The following PCCB variants were observed in gnomAD, a reference collection of about 807,000 sequenced individuals.
PCCB encodes the protein propionyl-CoA carboxylase beta chain, mitochondrial.
A neutral mutation model predicts 60.7 loss-of-function variants in PCCB; 43 were observed. That is an observed-to-expected ratio of 0.71 (90% CI 0.55 to 0.91). The LOEUF (loss-of-function observed/expected upper bound fraction) is 0.91. PCCB is among the 40% of genes least tolerant of loss of function. PCCB has a pLI of 0.00. For missense variants in PCCB, 766 were observed against 702.8 expected, an observed-to-expected ratio of 1.09 and a Z score of -1.02; for synonymous variants, 276 against 255.9, an observed-to-expected ratio of 1.08 and a Z score of -0.75.
At chr3:136,323,463 T>G (rs1388066854) in intron 10 of PCCB, among the ~76,000 whole-genome samples, 1 of 152,128 alleles carries the variant, frequency 6.6e-6, no homozygotes, top group Non-Finnish European at 1.5e-5. Context: ...TTTGTCCATG[T>G]TTTCCTTTAC....
chr3:136,318,553 C>G (rs1934997003), intron 10 of PCCB, among the ~76,000 whole-genome samples: 1 of 152,230 alleles, frequency 6.6e-6, no homozygotes, highest in Non-Finnish European at 1.5e-5. Context: ...CAATAACTCA[C>G]TATTTATCTC....
chr3:136,326,858 T>C lies in PCCB; in HGVS notation c.1146T>C (p.Asp382=), dbSNP rs2108237867. 1 of 1,613,708 alleles carries C rather than the reference T, an allele frequency of 6.2e-7. No individual in the cohort carries two copies. Among genetic ancestry groups the C allele is most frequent in the East Asian group, 2.2e-5 (1 of 44,880 alleles). The change falls in exon 11 of 15, where the codon GAT becomes GAC. Residue 382 remains aspartate, a synonymous_variant. Coordinates refer to ENST00000251654, the MANE Select transcript of PCCB (RefSeq NM_000532.5). ...GGGCTCGTTTTGTCAGATTCTGTGATGCATTCAATATTCCACTCATCACTT... is the reference window on the plus strand; with the variant it reads ...GGGCTCGTTTTGTCAGATTCTGTGACGCATTCAATATTCCACTCATCACTT... ...VKGARFVRFC[D]AFNIPLITFV...
Position 136,255,948 on chromosome 3 carries a change from T to A in PCCB, c.276T>A (p.Asp92Glu). The A allele has an allele frequency of 6.2e-7, 1 of 1,614,162 alleles. No homozygotes were observed. Among genetic ancestry groups the A allele is most frequent in the Non-Finnish European group, 8.5e-7 (1 of 1,179,966 alleles). ...SDMFVEHRCADFGMAADKNKF... is the reference protein window; with the variant it reads ...SDMFVEHRCAEFGMAADKNKF... ...TGTTTGTGGAACACAGATGTGCAGATTTTGGAATGGCTGCTGATAAGAATA... is the reference window on the plus strand; with the variant it reads ...TGTTTGTGGAACACAGATGTGCAGAATTTGGAATGGCTGCTGATAAGAATA... Residue 92 changes from aspartate (D) to glutamate (E), a missense_variant, in exon 2 of 15, where the codon GAT becomes GAA. Physicochemically the swap from Asp to Glu is conservative, Grantham distance 45 (BLOSUM62 2). Coordinates refer to ENST00000251654, the MANE Select transcript of PCCB (RefSeq NM_000532.5).
chr3:136,293,579 A>G (rs1166988997), intron 6 of PCCB, among the ~76,000 whole-genome samples, 177 bp from the exon 7 acceptor site: 1 of 152,212 alleles, frequency 6.6e-6, no homozygotes, highest in Admixed American at 6.5e-5. Context: ...TAAAAAAGAC[A>G]ATAAGGCAGG....
chr3:136,256,070 A>G, intron 2 of PCCB, 95 bp downstream of exon 2: 2 of 1,564,744 alleles, frequency 1.3e-6, no homozygotes, highest in Middle Eastern at 1.7e-4. Context: ...TTTTATCTGA[A>G]GTCCTCTGCA....
chr3:136,253,085 T>TTTTG (rs1297513144), intron 1 of PCCB, among the ~76,000 whole-genome samples: 9 of 114,356 alleles, frequency 7.9e-5, no homozygotes, highest in African/African-American at 2.0e-4. Context: ...AATGGAGGTT[T>TTTTG]TTTTTTTTTT....
intron 5 of PCCB, among the ~76,000 whole-genome samples, chr3:136,268,465 GT>G (rs535168208): frequency 1.7e-3 from 228 of 133,192 alleles, no homozygotes; most frequent in Non-Finnish European, 2.2e-3. Context: ...CTCCAACTTG[GT>G]TTTTTTTTTT....
chr3:136,303,758 C>G (rs1934366822), intron 9 of PCCB, among the ~76,000 whole-genome samples: 1 of 121,314 alleles, frequency 8.2e-6, no homozygotes, highest in African/African-American at 2.5e-5. Flanking sequence ...CGAGCCCTAC[C>G]ATGTCCGGCT....
intron 6 of PCCB, 32 bp from the exon 7 acceptor site, chr3:136,293,724 A>AG: frequency 2.2e-6 from 3 of 1,342,664 alleles, no homozygotes; most frequent in Non-Finnish European, 3.2e-6. Flanking sequence ...TGGTGCTCTG[A>AG]GGTTGACTGT....
chr3:136,264,386 C>G (rs1941912589), intron 5 of PCCB, among the ~76,000 whole-genome samples: 2 of 147,874 alleles, frequency 1.4e-5, no homozygotes, highest in South Asian at 4.3e-4. Flanking sequence ...TGTGCACTTT[C>G]TATGTGCGCG....
intron 5 of PCCB, among the ~76,000 whole-genome samples, chr3:136,265,982 C>T (rs750971953): frequency 2.0e-5 from 3 of 151,554 alleles, no homozygotes; most frequent in Admixed American, 2.0e-4. Context: ...CCTGCCATCA[C>T]GCCCGGCTAA....
rs535824043 is a variant in PCCB at position 136,265,990 on chromosome 3, T to A, written c.543+3925T>A. On this transcript the variant is annotated intron_variant, in intron 5 of 14. Transcript: ENST00000251654. ...ACAGGCACCTGCCATCACGCCCGGC[T>A]AATTTTTTGTATTTTTAGTAGAGAC... Among the ~76,000 whole-genome samples, 7 of 152,076 alleles carry A rather than the reference T, an allele frequency of 4.6e-5. No individual in the cohort carries two copies. The East Asian group carries it at 1.4e-3, about 29-fold the overall frequency.
At chr3:136,313,253 G>A (rs67677899) in intron 9 of PCCB, among the ~76,000 whole-genome samples, 11,313 of 152,216 alleles carry the variant, frequency 0.074, 449 homozygotes, top group Non-Finnish European at 0.093. Flanking sequence ...AATTATAGAT[G>A]TACGAGGTTA....
chr3:136,253,082 G>GATTTTTTTTTTTTTTTTTT (rs1941562687), intron 1 of PCCB, among the ~76,000 whole-genome samples: 1 of 71,500 alleles, frequency 1.4e-5, no homozygotes. Context: ...AGCAATGGAG[G>GATTTTTTTTTTTTTTTTTT]TTTTTTTTTT....
At chr3:136,307,443 T>G (rs1159631306) in intron 9 of PCCB, among the ~76,000 whole-genome samples, 3 of 152,154 alleles carry the variant, frequency 2.0e-5, no homozygotes, top group Non-Finnish European at 4.4e-5. Context: ...CAGAATCAGC[T>G]CACTGATTAT....
rs1336035272 is a variant in PCCB, at chr3:136,300,562, AG to A, written c.885-466del. Among the ~76,000 whole-genome samples, 4 of 152,290 alleles carry A rather than the reference AG, an allele frequency of 2.6e-5. No individual in the cohort carries two copies. In the East Asian group the frequency reaches 5.8e-4, roughly 22 times the overall value. On this transcript the variant is annotated intron_variant, in intron 8 of 14. Transcript: ENST00000251654. ...GAGGGCCTGCAGTTTTGCTTTTTGAAGGAGCTTTAGCAGATTAACCTAACAG... is the reference window on the plus strand; with the variant it reads ...GAGGGCCTGCAGTTTTGCTTTTTGAAGAGCTTTAGCAGATTAACCTAACAG...
At chr3:136,266,816 A>G (rs1941995757) in intron 5 of PCCB, among the ~76,000 whole-genome samples, 2 of 152,140 alleles carry the variant, frequency 1.3e-5, no homozygotes, top group African/African-American at 2.4e-5. Context: ...TATCATATAT[A>G]TGATTTGTAA....
At chr3:136,326,447 G>A (rs1254829899) in intron 10 of PCCB, 1 of 700,954 alleles carries the variant, frequency 1.4e-6, no homozygotes, top group African/African-American at 1.7e-5. Flanking sequence ...ATCATCAGTG[G>A]AGCCAGAATC....
rs929238102 is a variant in PCCB at position 136,306,246 on chromosome 3, T to C, written c.966+5135T>C. 3.2e-5 allele frequency among the ~76,000 whole-genome samples: 4 copies of C among 123,104 alleles called. 2 individuals carry two copies. The highest frequency in any genetic ancestry group is 7.3e-5 in the Non-Finnish European group (4 of 55,118). 80.8% of individuals were successfully genotyped at this position (123,104 alleles called of 152,430 possible). Reference sequence around the variant, plus strand: ...TCAATCATGAAGCAGCTGACTATGCTTCAATCTGAGTGCAGTAGCCCCTGA... The same window carrying C: ...TCAATCATGAAGCAGCTGACTATGCCTCAATCTGAGTGCAGTAGCCCCTGA... On this transcript the variant is annotated intron_variant, in intron 9 of 14. Transcript: ENST00000251654.
Sources: allele counts gnomAD v4.1 joint callset (sites outside exome capture counted in the v4.1 genomes callset), GRCh38; gene constraint gnomAD v4.1.1; transcripts MANE v1.5; gene names NCBI Gene and HGNC (gene_info 2026-07-23, HGNC 2026-07-21).